The following SBF2 variants were observed in gnomAD, a reference collection of about 807,000 sequenced individuals.
SBF2 encodes the protein SET binding factor 2.
In SBF2, 112 loss-of-function variants were observed where a neutral mutation model predicts 225.2. The observed-to-expected ratio is 0.50, with a 90% confidence interval of 0.43 to 0.58. The LOEUF is 0.58. SBF2 is among the 20% of genes least tolerant of loss of function. The probability of loss-of-function intolerance (pLI) is 0.00; values close to 1 mark genes in which losing one functional copy is unlikely to be tolerated. For missense variants in SBF2, 1,996 were observed against 2,206.2 expected (o/e 0.90, Z 1.91); for synonymous variants, 763 against 773.3 (o/e 0.99, Z 0.22).
chr11:9,913,119 A>G (rs1189975724), intron 16 of SBF2, among the ~76,000 whole-genome samples: 1 of 152,160 alleles, frequency 6.6e-6, no homozygotes. Context: ...CCCTGTTTCT[A>G]TGAAAAATAC....
At chr11:9,799,277 G>A (rs1189099199) in intron 32 of SBF2, among the ~76,000 whole-genome samples, 4 of 152,168 alleles carry the variant, frequency 2.6e-5, no homozygotes, top group Non-Finnish European at 5.9e-5. Context: ...GCCCTCTACA[G>A]TTATGCTAGA....
At chr11:9,946,142 T>C (rs185445154) in intron 16 of SBF2, among the ~76,000 whole-genome samples, 258 of 152,344 alleles carry the variant, frequency 1.7e-3, no homozygotes, top group Non-Finnish European at 1.5e-3. Context: ...TGTATGTTCA[T>C]TGCAGCACTA....
chr11:10,272,343 C>A, intron 1 of SBF2: 1 of 652,120 alleles, frequency 1.5e-6, no homozygotes, highest in Non-Finnish European at 2.4e-6. Flanking sequence ...CTAAGGCTTA[C>A]TTACTTGCTA....
At chr11:10,118,660 A>G (rs898264071) in intron 2 of SBF2, among the ~76,000 whole-genome samples, 5 of 152,104 alleles carry the variant, frequency 3.3e-5, no homozygotes, top group African/African-American at 1.2e-4. Flanking sequence ...TCCATTTTCC[A>G]TCTCCAATTT....
At chr11:10,277,052 G>A (rs1963005092) in intron 1 of SBF2, among the ~76,000 whole-genome samples, 1 of 148,268 alleles carries the variant, frequency 6.7e-6, no homozygotes, top group Non-Finnish European at 1.5e-5. Flanking sequence ...GTGAACATAG[G>A]GAGACCCCAT....
chr11:10,001,898 T>C (rs1947978221), intron 7 of SBF2, among the ~76,000 whole-genome samples: 1 of 152,184 alleles, frequency 6.6e-6, no homozygotes, highest in Non-Finnish European at 1.5e-5. Context: ...TCCCAGATGT[T>C]ATGATTATCA....
intron 2 of SBF2, 152 bp from the exon 3 acceptor site, chr11:10,043,133 A>G: frequency 1.4e-6 from 1 of 736,040 alleles, no homozygotes; most frequent in Non-Finnish European, 2.2e-6. Flanking sequence ...GTTAATGTAC[A>G]GATTCATAAT....
At chr11:9,897,518 A>G (rs530982894) in intron 16 of SBF2, among the ~76,000 whole-genome samples, 25 of 152,246 alleles carry the variant, frequency 1.6e-4, no homozygotes, top group African/African-American at 6.0e-4. Context: ...CGGCGGATAG[A>G]TATTTTCATA....
At chr11:10,125,434 T>A (rs531147008) in intron 2 of SBF2, among the ~76,000 whole-genome samples, 1 of 152,168 alleles carries the variant, frequency 6.6e-6, no homozygotes, top group Non-Finnish European at 1.5e-5. Flanking sequence ...ATAGTTTTAA[T>A]AGTAATTTAA....
intron 17 of SBF2, among the ~76,000 whole-genome samples, chr11:9,885,017 G>A (rs1860143576): frequency 6.6e-6 from 1 of 151,958 alleles, no homozygotes; most frequent in Admixed American, 6.6e-5. Context: ...TTGGGAGACT[G>A]AGGCGGACGG....
At chr11:9,968,838 G>A (rs1278175450) in intron 13 of SBF2, among the ~76,000 whole-genome samples, 1 of 152,076 alleles carries the variant, frequency 6.6e-6, no homozygotes, top group African/African-American at 2.4e-5. Context: ...TTAACAATGT[G>A]AATATCTCAG....
intron 1 of SBF2, among the ~76,000 whole-genome samples, chr11:10,244,985 T>C (rs1229133597): frequency 6.6e-6 from 1 of 151,040 alleles, no homozygotes; most frequent in African/African-American, 2.4e-5. Flanking sequence ...CACAAAAAAA[T>C]TAGCTGGGTG....
intron 17 of SBF2, among the ~76,000 whole-genome samples, chr11:9,859,870 A>G (rs139446234): frequency 3.9e-4 from 59 of 152,334 alleles, no homozygotes; most frequent in African/African-American, 1.3e-3. Flanking sequence ...TGCCATCTGT[A>G]AGACCCTTTC....
At chr11:10,228,398 C>T (rs893219953) in intron 1 of SBF2, among the ~76,000 whole-genome samples, 2 of 152,150 alleles carry the variant, frequency 1.3e-5, no homozygotes, top group African/African-American at 2.4e-5. Context: ...CTGTCTTGTG[C>T]CAGTTTTCAA....
intron 6 of SBF2, among the ~76,000 whole-genome samples, chr11:10,004,608 C>T (rs548096666): frequency 1.7e-4 from 24 of 141,874 alleles, no homozygotes; most frequent in African/African-American, 6.0e-4. Flanking sequence ...AACTACATAC[C>T]TCCCATACCT....
At chr11:10,156,512 T>C (rs754248717) in intron 2 of SBF2, among the ~76,000 whole-genome samples, 16 of 152,150 alleles carry the variant, frequency 1.1e-4, no homozygotes. Context: ...CTGGGTGAAG[T>C]TGGCACGTCA....
intron 26 of SBF2, 191 bp downstream of exon 26, chr11:9,839,307 A>T (rs1855941991): frequency 1.6e-6 from 1 of 638,782 alleles, no homozygotes; most frequent in Non-Finnish European, 2.8e-6. Context: ...CTTCTCACCT[A>T]CTAGAGGTAC....
intron 2 of SBF2, among the ~76,000 whole-genome samples, chr11:10,176,894 A>T (rs572238987): frequency 1.3e-5 from 2 of 152,344 alleles, no homozygotes; most frequent in South Asian, 2.1e-4. Flanking sequence ...ACCAAAAAAG[A>T]AAATTTTAGA....
At chr11:10,059,641 C>T (rs1212752600) in intron 2 of SBF2, among the ~76,000 whole-genome samples, 1 of 152,062 alleles carries the variant, frequency 6.6e-6, no homozygotes, top group African/African-American at 2.4e-5. Context: ...TAAAACAATC[C>T]TCAACAAATG....
Sources: allele counts gnomAD v4.1 joint callset (sites outside exome capture counted in the v4.1 genomes callset), GRCh38; gene constraint gnomAD v4.1.1; transcripts MANE v1.5; gene names NCBI Gene and HGNC (gene_info 2026-07-23, HGNC 2026-07-21).